MB21D2: variants seen among roughly 807,000 people sequenced by gnomAD.
The protein encoded by MB21D2 is Mab-21 domain containing 2.
MB21D2 carries 9 observed loss-of-function variants against 33.3 expected under a neutral mutation model. That is an observed-to-expected ratio of 0.27 (90% CI 0.16 to 0.47). The LOEUF (loss-of-function observed/expected upper bound fraction) is 0.47, where lower values mean the gene tolerates loss of function less well. MB21D2 is among the 20% of genes least tolerant of loss of function. The probability of loss-of-function intolerance (pLI) is 0.99; values close to 1 mark genes in which losing one functional copy is unlikely to be tolerated. For synonymous variants in MB21D2, 241 were observed against 236.3 expected (o/e 1.02, Z -0.18); for missense variants, 540 against 624.6 (o/e 0.86, Z 1.44).
intron 1 of MB21D2, among the ~76,000 whole-genome samples, chr3:192,867,949 A>T (rs1484668355): frequency 6.6e-6 from 1 of 152,160 alleles, no homozygotes; most frequent in East Asian, 1.9e-4. Flanking sequence ...GGAGGAAGGA[A>T]GATTGGAATG....
chr3:192,842,398 A>C (rs1219217572), intron 1 of MB21D2, among the ~76,000 whole-genome samples: 13 of 152,232 alleles, frequency 8.5e-5, no homozygotes, highest in Non-Finnish European at 1.5e-5. Context: ...TCAAAGCACC[A>C]CCATTCATGC....
Position 192,869,107 on chromosome 3 carries a change from T to C in MB21D2, c.211+48523A>G, listed in dbSNP as rs192265272. Among the ~76,000 whole-genome samples, 469 of 151,874 alleles carry C rather than the reference T, an allele frequency of 3.1e-3. 2 individuals carry two copies. The highest frequency in any genetic ancestry group is 0.011 in the African/African-American group (455 of 41,398). On this transcript the variant is annotated intron_variant, in intron 1 of 1. Transcript: ENST00000392452. ...CCCATCTTTACTAAAAATACAAAAATTAGCTGGGCATGGTGGTGTGCCCCT... is the reference window on the plus strand; with the variant it reads ...CCCATCTTTACTAAAAATACAAAAACTAGCTGGGCATGGTGGTGTGCCCCT...
intron 1 of MB21D2, among the ~76,000 whole-genome samples, chr3:192,804,815 T>C (rs1015887604): frequency 6.6e-6 from 1 of 152,144 alleles, no homozygotes; most frequent in Non-Finnish European, 1.5e-5. Context: ...AATATTATGG[T>C]TTATGTTTCC....
At chr3:192,911,956 C>T (rs956844342) in intron 1 of MB21D2, among the ~76,000 whole-genome samples, 2 of 152,196 alleles carry the variant, frequency 1.3e-5, no homozygotes, top group Non-Finnish European at 2.9e-5. Context: ...AAAACACCAA[C>T]GCACCATAAA....
At chr3:192,870,975 A>G (rs1418638146) in intron 1 of MB21D2, among the ~76,000 whole-genome samples, 1 of 152,194 alleles carries the variant, frequency 6.6e-6, no homozygotes, top group Non-Finnish European at 1.5e-5. Flanking sequence ...GCAACTTCTC[A>G]ACCACACATT....
intron 1 of MB21D2, among the ~76,000 whole-genome samples, chr3:192,845,478 T>G (rs2108627129): frequency 6.6e-6 from 1 of 152,364 alleles, no homozygotes; most frequent in East Asian, 1.9e-4. Flanking sequence ...CATCCTCATC[T>G]ATGCTCCTAT....
chr3:192,820,031 G>A (rs867639061), intron 1 of MB21D2, among the ~76,000 whole-genome samples: 22 of 152,320 alleles, frequency 1.4e-4, no homozygotes, highest in Admixed American at 2.6e-4. Flanking sequence ...TACCAAGTAA[G>A]TTGGGTGGAA....
In MB21D2 at chr3:192,884,683, T is replaced by C. The variant is rs575816088; in HGVS notation, c.211+32947A>G. On this transcript the variant is annotated intron_variant, in intron 1 of 1. Coordinates refer to ENST00000392452, the MANE Select transcript of MB21D2 (RefSeq NM_178496.4). ...CACCCGGCCAGAGGTGCATGTCTTG[T>C]TCCATCCTGATCAAAGTCAAACAGA... 2.7e-3 allele frequency among the ~76,000 whole-genome samples: 413 copies of C among 152,190 alleles called. 4 individuals carry two copies. Among genetic ancestry groups the C allele is most frequent in the Middle Eastern group, 6.8e-3 (2 of 294 alleles).
chr3:192,799,774 T>G lies in MB21D2; in HGVS notation c.212-124A>C, dbSNP rs1711517792. On this transcript the variant is annotated intron_variant, in intron 1 of 1. Coordinates refer to ENST00000392452, the MANE Select transcript of MB21D2 (RefSeq NM_178496.4). This position sits in a 1 kb window ranked among gnomAD's most constrained non-coding sequence, Gnocchi z 4.1. ...CTCATTATCAGTACTAAATCAAATC[T>G]CAGGCTGCTGCAGAGACCTGGCCAA... 1 of 1,069,210 alleles carries G rather than the reference T, an allele frequency of 9.4e-7. No homozygotes were observed. The highest frequency in any genetic ancestry group is 2.8e-5 in the Admixed American group (1 of 35,124). 66.2% of individuals were successfully genotyped at this position (1,069,210 alleles called of 1,614,324 possible).
intron 1 of MB21D2, among the ~76,000 whole-genome samples, chr3:192,866,393 T>C (rs1713168706): frequency 1.3e-5 from 2 of 152,226 alleles, no homozygotes; most frequent in African/African-American, 2.4e-5. Context: ...TTGCGTCTTC[T>C]GGTTAGATCT....
chr3:192,870,040 T>C (rs1306367779), intron 1 of MB21D2, among the ~76,000 whole-genome samples: 1 of 152,228 alleles, frequency 6.6e-6, no homozygotes, highest in East Asian at 1.9e-4. Flanking sequence ...CCTAGCTGAA[T>C]GAATAAGGCT....
chr3:192,878,090 T>G (rs1164899300), intron 1 of MB21D2, among the ~76,000 whole-genome samples: 4 of 140,970 alleles, frequency 2.8e-5, no homozygotes, highest in Admixed American at 2.7e-4. Context: ...TCTTTTTTTT[T>G]TTTTTTTTTT....
At chr3:192,891,110 G>A (rs1046050586) in intron 1 of MB21D2, among the ~76,000 whole-genome samples, 1 of 152,128 alleles carries the variant, frequency 6.6e-6, no homozygotes, top group African/African-American at 2.4e-5. Flanking sequence ...TCTTATAGAA[G>A]TTTTCTGGTC....
intron 1 of MB21D2, among the ~76,000 whole-genome samples, chr3:192,832,510 C>T (rs547097335): frequency 6.6e-6 from 1 of 152,120 alleles, no homozygotes; most frequent in Non-Finnish European, 1.5e-5. Context: ...GAGTATGTCT[C>T]GCCAGGTGCG....
intron 1 of MB21D2, among the ~76,000 whole-genome samples, chr3:192,850,288 C>G (rs1158668870): frequency 3.9e-5 from 6 of 152,102 alleles, no homozygotes; most frequent in Non-Finnish European, 7.4e-5. Flanking sequence ...AGGAGACAGA[C>G]TCTACACTGA....
intron 1 of MB21D2, among the ~76,000 whole-genome samples, chr3:192,829,781 C>T (rs182977613): frequency 6.6e-6 from 1 of 152,328 alleles, no homozygotes; most frequent in East Asian, 1.9e-4. Context: ...AGCTGGAGTG[C>T]AGTGGCACGA....
chr3:192,802,736 G>GGAACAGTCAGTTTCAGTGAGATATATTT, intron 1 of MB21D2, among the ~76,000 whole-genome samples: 1 of 152,098 alleles, frequency 6.6e-6, no homozygotes, highest in Non-Finnish European at 1.5e-5. Flanking sequence ...CTCACATGTT[G>GGAACAGTCAGTTTCAGTGAGATATATTT]GAACAGTCAG....
At chr3:192,893,616 C>T (rs1713901853) in intron 1 of MB21D2, among the ~76,000 whole-genome samples, 1 of 152,206 alleles carries the variant, frequency 6.6e-6, no homozygotes, top group Non-Finnish European at 1.5e-5. Context: ...ATTCTCAGCA[C>T]TTAGCACTTA....
intron 1 of MB21D2, among the ~76,000 whole-genome samples, chr3:192,892,429 T>A (rs2108647551): frequency 6.6e-6 from 1 of 152,280 alleles, no homozygotes; most frequent in East Asian, 1.9e-4. Context: ...AATTTAGGAG[T>A]TTGCTAAACT....
Sources: allele counts gnomAD v4.1 joint callset (sites outside exome capture counted in the v4.1 genomes callset), GRCh38; gene constraint gnomAD v4.1.1; non-coding constraint Gnocchi (gnomAD v3.1); transcripts MANE v1.5; gene names NCBI Gene and HGNC (gene_info 2026-07-23, HGNC 2026-07-21).